Variants in FAR2 observed in about 807,000 individuals in gnomAD.
FAR2 encodes fatty acyl-CoA reductase 2, also known as epididymis secretory protein Li 81.
A neutral mutation model predicts 56.0 loss-of-function variants in FAR2; 19 were observed. The ratio of observed to expected loss-of-function variants is 0.34; its 90% CI spans 0.24 to 0.50. The LOEUF (loss-of-function observed/expected upper bound fraction) is 0.50, where lower values mean the gene tolerates loss of function less well. Ranked by LOEUF, FAR2 falls within the 20% of genes least tolerant of loss-of-function variation. FAR2 has a pLI of 0.98. For synonymous variants in FAR2, 219 were observed against 218.8 expected, an observed-to-expected ratio of 1.00 and a Z score of -0.01; for missense variants, 508 against 642.2, an observed-to-expected ratio of 0.79 and a Z score of 2.26.
At position 29,333,600 on chromosome 12, in the gene FAR2, T is replaced by A. The variant is rs780581281; in HGVS notation, c.1386-32T>A. On this transcript the variant is annotated intron_variant, in intron 11 of 11. Transcript: ENST00000536681. ...ATAATGTGGTTGGGTATCTGGTAGT[T>A]TTAACTTTGGTTATGTCTGTCTGTT... 1.9e-5 allele frequency: 30 copies of A among 1,593,712 alleles called. No homozygotes were observed. In the East Asian group the frequency reaches 6.5e-4, roughly 35 times the overall value.
At chr12:29,285,789 C>T (rs748843885) in intron 2 of FAR2, among the ~76,000 whole-genome samples, 4 of 151,904 alleles carry the variant, frequency 2.6e-5, no homozygotes, top group Non-Finnish European at 5.9e-5. Context: ...TGTAGTGGCA[C>T]GTGCCTGTAG....
intron 1 of FAR2, among the ~76,000 whole-genome samples, chr12:29,265,036 A>C (rs1488846114): frequency 6.6e-6 from 1 of 152,220 alleles, no homozygotes. Context: ...AACACACACA[A>C]AAATGGAAAG....
chr12:29,207,560 T>G (rs1239466485), intron 1 of FAR2, among the ~76,000 whole-genome samples: 1 of 152,216 alleles, frequency 6.6e-6, no homozygotes, highest in Non-Finnish European at 1.5e-5. Flanking sequence ...CAGTTTCCAT[T>G]TACTTGCTAC....
chr12:29,284,251 C>A (rs549055514), intron 2 of FAR2, among the ~76,000 whole-genome samples: 1 of 152,254 alleles, frequency 6.6e-6, no homozygotes, highest in African/African-American at 2.4e-5. Context: ...AATGGTCAAC[C>A]TTTTCCTGTT....
At chr12:29,168,947 AT>A (rs1421593055) in intron 1 of FAR2, among the ~76,000 whole-genome samples, 1 of 152,114 alleles carries the variant, frequency 6.6e-6, no homozygotes, top group African/African-American at 2.4e-5. Context: ...CAGAGTGCTG[AT>A]TGGTCCATTT....
intron 1 of FAR2, among the ~76,000 whole-genome samples, chr12:29,250,386 A>T (rs111975193): frequency 6.6e-6 from 1 of 152,186 alleles, no homozygotes; most frequent in Non-Finnish European, 1.5e-5. Flanking sequence ...AATTTTATTT[A>T]ATAGAAGAGA....
At chr12:29,230,009 C>A (rs1947830682) in intron 1 of FAR2, among the ~76,000 whole-genome samples, 1 of 151,920 alleles carries the variant, frequency 6.6e-6, no homozygotes, top group South Asian at 2.1e-4. Context: ...CAGCAGTGAA[C>A]AAAACAAATT....
chr12:29,295,413 T>A (rs1304876501), intron 3 of FAR2, among the ~76,000 whole-genome samples: 1 of 152,184 alleles, frequency 6.6e-6, no homozygotes, highest in Non-Finnish European at 1.5e-5. Context: ...CTGTTCTCTT[T>A]GCATATACTT....
intron 1 of FAR2, among the ~76,000 whole-genome samples, chr12:29,255,560 C>A (rs934469695): frequency 2.0e-5 from 3 of 152,156 alleles, no homozygotes; most frequent in African/African-American, 7.2e-5. Context: ...TTTTATACTC[C>A]TAGTGCCCAC....
At chr12:29,262,675 T>G (rs1235720971) in intron 1 of FAR2, among the ~76,000 whole-genome samples, 1 of 151,738 alleles carries the variant, frequency 6.6e-6, no homozygotes, top group East Asian at 1.9e-4. Flanking sequence ...AGCAAGAAAT[T>G]AAATCATACA....
chr12:29,228,590 G>GTTTGTT (rs56266657), intron 1 of FAR2, among the ~76,000 whole-genome samples: 2 of 151,614 alleles, frequency 1.3e-5, no homozygotes, highest in African/African-American at 2.4e-5. Flanking sequence ...AGTCTTTTTT[G>GTTTGTT]TGTTTGTTTG....
intron 8 of FAR2, 108 bp from the exon 9 acceptor site, chr12:29,316,733 A>C: frequency 8.8e-7 from 1 of 1,137,670 alleles, no homozygotes; most frequent in Non-Finnish European, 1.3e-6. Flanking sequence ...TTGACTCTAC[A>C]CAGCAAATCC....
At chr12:29,151,874 A>C (rs79600751) in intron 1 of FAR2, 1 of 152,228 alleles carries the variant, frequency 6.6e-6, no homozygotes, top group Admixed American at 6.5e-5. Context: ...ATTGTAAAAA[A>C]TGTCTACTTG....
chr12:29,177,197 A>G (rs1337668128), intron 1 of FAR2, among the ~76,000 whole-genome samples: 1 of 152,232 alleles, frequency 6.6e-6, no homozygotes, highest in Non-Finnish European at 1.5e-5. Flanking sequence ...GAGTGCCTTC[A>G]AACAAACACC....
chr12:29,264,126 G>A (rs1411757065), intron 1 of FAR2, among the ~76,000 whole-genome samples: 2 of 152,106 alleles, frequency 1.3e-5, no homozygotes, highest in Non-Finnish European at 2.9e-5. Context: ...CATTCACCAT[G>A]ATCACATGGA....
intron 8 of FAR2, 59 bp from the exon 9 acceptor site, chr12:29,316,782 A>T (rs1244779789): frequency 2.0e-6 from 3 of 1,536,986 alleles, no homozygotes; most frequent in African/African-American, 1.4e-5. Flanking sequence ...AATGCTTTCC[A>T]CTATGATGGA....
intron 1 of FAR2, among the ~76,000 whole-genome samples, chr12:29,193,960 A>G (rs745777893): frequency 6.6e-6 from 1 of 152,154 alleles, no homozygotes; most frequent in Non-Finnish European, 1.5e-5. Context: ...TGGAGTTGTT[A>G]CATTGCCTTT....
At chr12:29,198,906 A>G (rs137899356) in intron 1 of FAR2, among the ~76,000 whole-genome samples, 84 of 152,250 alleles carry the variant, frequency 5.5e-4, no homozygotes, top group Middle Eastern at 3.4e-3. Context: ...GCATTTATCT[A>G]TCTTCTTGTC....
At chr12:29,320,415 T>A (rs1383078056) in intron 9 of FAR2, among the ~76,000 whole-genome samples, 1 of 152,204 alleles carries the variant, frequency 6.6e-6, no homozygotes, top group Non-Finnish European at 1.5e-5. Context: ...GGAACCCTAT[T>A]ATGGTGCTTA....
Sources: allele counts gnomAD v4.1 joint callset (sites outside exome capture counted in the v4.1 genomes callset), GRCh38; gene constraint gnomAD v4.1.1; transcripts MANE v1.5; gene names NCBI Gene and HGNC (gene_info 2026-07-23, HGNC 2026-07-21).